Variants in TAF1B observed in about 807,000 individuals in gnomAD.
TAF1B encodes TATA box-binding protein-associated factor RNA polymerase I subunit B.
A neutral mutation model predicts 83.9 loss-of-function variants in TAF1B; 61 were observed. That is an observed-to-expected ratio of 0.73 (90% CI 0.59 to 0.90). The LOEUF is 0.90. Ranked by LOEUF, TAF1B falls within the 40% of genes least tolerant of loss-of-function variation. The pLI is 0.00. For missense variants in TAF1B, 625 were observed against 677.0 expected, an observed-to-expected ratio of 0.92 and a Z score of 0.85; for synonymous variants, 221 against 224.6, an observed-to-expected ratio of 0.98 and a Z score of 0.14.
intron 6 of TAF1B, among the ~76,000 whole-genome samples, chr2:9,870,640 G>A (rs77346927): frequency 0.014 from 2,175 of 152,044 alleles, 52 homozygotes; most frequent in African/African-American, 0.049. Flanking sequence ...ATTCAATTCT[G>A]TTTTAGCTCT....
rs1279401737 is a variant in TAF1B, at chr2:9,934,193, T to G, written c.*209T>G. 2.2e-6 allele frequency: 1 copy of G among 455,288 alleles called. No homozygotes were observed. The highest frequency in any genetic ancestry group is 3.9e-6 in the Non-Finnish European group (1 of 256,902). 28.2% of individuals were successfully genotyped at this position (455,288 alleles called of 1,614,324 possible). On this transcript the variant is annotated 3_prime_UTR_variant, in exon 15 of 15. Coordinates refer to ENST00000263663, the MANE Select transcript of TAF1B (RefSeq NM_005680.3). ...GATTTTATTTTTCAGAGTATGAACATTCTAAGAGAAAGTTAAAACAATAGC... is the reference window on the plus strand; with the variant it reads ...GATTTTATTTTTCAGAGTATGAACAGTCTAAGAGAAAGTTAAAACAATAGC...
chr2:9,864,290 A>G (rs1395193162), intron 5 of TAF1B, among the ~76,000 whole-genome samples: 2 of 131,370 alleles, frequency 1.5e-5, no homozygotes, highest in Non-Finnish European at 3.5e-5. Flanking sequence ...CACAGCTACC[A>G]TCAGAGACTA....
At chr2:9,924,113 G>C (rs931836960) in intron 14 of TAF1B, among the ~76,000 whole-genome samples, 1 of 152,102 alleles carries the variant, frequency 6.6e-6, no homozygotes, top group African/African-American at 2.4e-5. Context: ...AATTCTAACT[G>C]TATGAAGTTT....
intron 5 of TAF1B, among the ~76,000 whole-genome samples, chr2:9,865,060 A>G (rs927197813): frequency 6.6e-6 from 1 of 152,196 alleles, no homozygotes; most frequent in African/African-American, 2.4e-5. Context: ...CACCACTCCT[A>G]TTGAACATAG....
At chr2:9,932,933 T>C (rs994607913) in intron 14 of TAF1B, among the ~76,000 whole-genome samples, 19 of 152,220 alleles carry the variant, frequency 1.2e-4, no homozygotes, top group Non-Finnish European at 2.1e-4. Context: ...CTCAGACTGC[T>C]GCACTAGCAG....
chr2:9,917,822 C>T (rs1366064888), intron 12 of TAF1B, among the ~76,000 whole-genome samples: 1 of 152,122 alleles, frequency 6.6e-6, no homozygotes, highest in Non-Finnish European at 1.5e-5. Context: ...CCTGTAATCC[C>T]AGCACTTTGG....
chr2:9,875,002 T>TA (rs1664279406), intron 6 of TAF1B, among the ~76,000 whole-genome samples: 1 of 151,980 alleles, frequency 6.6e-6, no homozygotes, highest in African/African-American at 2.4e-5. Context: ...CTTGCTCTGT[T>TA]ACCCAGGTTG....
chr2:9,844,447 C>G (rs1663135577), intron 1 of TAF1B: 1 of 152,290 alleles, frequency 6.6e-6, no homozygotes, highest in Admixed American at 6.5e-5. Context: ...GGTGATCCCC[C>G]GCCCTCGGCC....
At chr2:9,846,810 A>T (rs1428453229) in intron 2 of TAF1B, among the ~76,000 whole-genome samples, 2 of 152,076 alleles carry the variant, frequency 1.3e-5, no homozygotes. Context: ...TATTATCTTG[A>T]TTATAGTGGT....
At chr2:9,887,265 A>C (rs1572251347) in intron 8 of TAF1B, among the ~76,000 whole-genome samples, 1 of 152,222 alleles carries the variant, frequency 6.6e-6, no homozygotes, top group East Asian at 1.9e-4. Flanking sequence ...TTAAGAGGTG[A>C]AATGAGTTAT....
At chr2:9,846,537 G>A (rs151296839) in intron 2 of TAF1B, among the ~76,000 whole-genome samples, 2 of 152,236 alleles carry the variant, frequency 1.3e-5, no homozygotes, top group African/African-American at 4.8e-5. Context: ...TGGCTAAGAT[G>A]GACTAACAGA....
intron 4 of TAF1B, chr2:9,852,081 C>G (rs1006923019): frequency 2.1e-6 from 1 of 468,376 alleles, no homozygotes; most frequent in African/African-American, 2.0e-5. Flanking sequence ...ATATGCTAAA[C>G]CAGTCGTTCA....
At chr2:9,861,043 C>T (rs1252611610) in intron 5 of TAF1B, among the ~76,000 whole-genome samples, 1 of 152,218 alleles carries the variant, frequency 6.6e-6, no homozygotes, top group East Asian at 1.9e-4. Flanking sequence ...CGGGTGATTT[C>T]TGCATTTCCA....
chr2:9,895,870 G>A (rs1314907724), intron 8 of TAF1B, among the ~76,000 whole-genome samples: 1 of 146,098 alleles, frequency 6.8e-6, no homozygotes, highest in East Asian at 2.0e-4. Context: ...CTCTGACAGG[G>A]TATTGTAATC....
At chr2:9,913,062 T>A in intron 11 of TAF1B, 97 bp from the exon 12 acceptor site, 1 of 955,444 alleles carries the variant, frequency 1.0e-6, no homozygotes, top group Non-Finnish European at 1.6e-6. Context: ...TCACACCAAC[T>A]GCCCAGTGCA....
intron 9 of TAF1B, among the ~76,000 whole-genome samples, chr2:9,905,460 G>A (rs917621272): frequency 8.5e-5 from 13 of 152,094 alleles, no homozygotes; most frequent in Non-Finnish European, 1.8e-4. Flanking sequence ...AATATATCCA[G>A]TCCATAAAAC....
chr2:9,893,304 C>A lies in TAF1B; in HGVS notation c.807+10499C>A, dbSNP rs538588896. On this transcript the variant is annotated intron_variant, in intron 8 of 14. Coordinates refer to ENST00000263663, the MANE Select transcript of TAF1B (RefSeq NM_005680.3). ...CTGCGTCATTGATTATAAGTTATAT[C>A]CATCCTGACCCATTACTCCTGAGTA... is the stretch of plus-strand genomic sequence containing the variant. 1.1e-4 allele frequency among the ~76,000 whole-genome samples: 16 copies of A among 152,208 alleles called. No homozygotes were observed. The East Asian group carries it at 2.3e-3, about 22-fold the overall frequency.
In TAF1B at chr2:9,869,598, GGGCGTAGT is replaced by G. The variant is rs1664103059; in HGVS notation, c.553+1173_553+1180del. ...TTTACATTAAAAGTAATCAATGGCC[GGGCGTAGT>G]GGCTCACACCTGTAATCTCAGGACT... On this transcript the variant is annotated intron_variant, in intron 6 of 14. Transcript: ENST00000263663. 3.3e-5 allele frequency among the ~76,000 whole-genome samples: 5 copies of G among 151,888 alleles called. No homozygotes were observed. The South Asian group carries it at 1.0e-3, about 32-fold the overall frequency.
Position 9,888,722 on chromosome 2 carries a change from A to G in TAF1B, c.807+5917A>G, listed in dbSNP as rs1353006559. The stretch of plus-strand genomic sequence containing the variant: ...AGCTGCTTTTTAAGATTTTCTCTTT[A>G]TCACTGGATCTCACCAATTGGATTA... On this transcript the variant is annotated intron_variant, in intron 8 of 14. Transcript: ENST00000263663. 2.2e-5 allele frequency among the ~76,000 whole-genome samples: 3 copies of G among 137,348 alleles called. No individual in the cohort carries two copies. The East Asian group carries it at 6.3e-4, about 29-fold the overall frequency. The allele number at this position is 137,348 out of a possible 152,430, so 90.1% of individuals were successfully genotyped here.
Sources: gnomAD v4.1 joint callset for allele counts (sites outside exome capture counted in the v4.1 genomes callset) on GRCh38, gnomAD v4.1.1 for gene constraint, MANE v1.5 for transcripts, NCBI Gene and HGNC (gene_info 2026-07-23, HGNC 2026-07-21) for gene names.